The following NRXN1 variants were observed in gnomAD, a reference collection of about 807,000 sequenced individuals.
NRXN1 encodes neurexin-1.
NRXN1 carries 39 observed loss-of-function variants against 150.9 expected under a neutral mutation model. The ratio of observed to expected loss-of-function variants is 0.26; its 90% CI spans 0.20 to 0.34. NRXN1 has a LOEUF of 0.34. Among genes scored for constraint, NRXN1 ranks in the 10% least tolerant of loss-of-function variants. The probability of loss-of-function intolerance (pLI) is 1.00; values close to 1 mark genes in which losing one functional copy is unlikely to be tolerated. For synonymous variants in NRXN1, 924 were observed against 757.0 expected (o/e 1.22, Z -3.62); for missense variants, 1,815 against 1,949.9 (o/e 0.93, Z 1.30).
chr2:50,795,883 C>T (rs1228343255), intron 5 of NRXN1, among the ~76,000 whole-genome samples: 1 of 151,716 alleles, frequency 6.6e-6, no homozygotes, highest in Non-Finnish European at 1.5e-5. Flanking sequence ...GAATGATTGG[C>T]TCACAATCAG....
intron 17 of NRXN1, among the ~76,000 whole-genome samples, chr2:50,255,861 A>G (rs2067650769): frequency 6.6e-6 from 1 of 152,154 alleles, no homozygotes; most frequent in South Asian, 2.1e-4. Context: ...ACTAATTAAA[A>G]TTAATTATTA....
intron 17 of NRXN1, among the ~76,000 whole-genome samples, chr2:50,277,101 A>T (rs561773380): frequency 5.9e-5 from 9 of 152,288 alleles, no homozygotes; most frequent in African/African-American, 2.2e-4. Flanking sequence ...GAATGTTTTT[A>T]AAATATTATA....
chr2:50,419,096 T>C (rs1265032923), intron 17 of NRXN1, among the ~76,000 whole-genome samples: 1 of 152,086 alleles, frequency 6.6e-6, no homozygotes, highest in East Asian at 1.9e-4. Flanking sequence ...ATGAATGAAC[T>C]CAATGACTTC....
At chr2:50,485,837 C>T (rs2090831332) in intron 15 of NRXN1, among the ~76,000 whole-genome samples, 1 of 152,174 alleles carries the variant, frequency 6.6e-6, no homozygotes, top group Non-Finnish European at 1.5e-5. Flanking sequence ...GACCAAGAGT[C>T]CCAACATCAG....
At chr2:50,386,115 T>C (rs2081310371) in intron 17 of NRXN1, among the ~76,000 whole-genome samples, 1 of 152,068 alleles carries the variant, frequency 6.6e-6, no homozygotes, top group East Asian at 1.9e-4. Flanking sequence ...AATCATGCTA[T>C]AGTACTTTGA....
chr2:50,255,413 A>T (rs771114197), intron 17 of NRXN1, among the ~76,000 whole-genome samples: 31 of 152,206 alleles, frequency 2.0e-4, no homozygotes, highest in Non-Finnish European at 4.1e-4. Flanking sequence ...AAGAGCACGG[A>T]TTAAAGTACC....
chr2:50,359,585 C>T (rs2079048911), intron 17 of NRXN1, among the ~76,000 whole-genome samples: 1 of 151,778 alleles, frequency 6.6e-6, no homozygotes, highest in Non-Finnish European at 1.5e-5. Flanking sequence ...ACGAACAAAG[C>T]CTCCAAGATA....
intron 5 of NRXN1, among the ~76,000 whole-genome samples, chr2:50,711,564 G>A (rs1056088950): frequency 3.3e-5 from 5 of 151,890 alleles, no homozygotes; most frequent in Non-Finnish European, 7.4e-5. Context: ...TTGAACTCCT[G>A]ACCTCAGATG....
chr2:50,653,274 T>G (rs1017450375), intron 5 of NRXN1, among the ~76,000 whole-genome samples: 13 of 152,018 alleles, frequency 8.6e-5, no homozygotes, highest in African/African-American at 3.1e-4. Context: ...TTCAGAATGC[T>G]CCACTCTACC....
chr2:49,990,428 T>C (rs563015165), intron 21 of NRXN1, among the ~76,000 whole-genome samples: 1 of 152,248 alleles, frequency 6.6e-6, no homozygotes, highest in South Asian at 2.1e-4. Context: ...CTATATATGA[T>C]AGGAAATCAT....
In NRXN1 at chr2:49,921,076, A is replaced by G. The variant is rs1460445315; in HGVS notation, c.*868T>C. The G allele has an allele frequency of 6.6e-6, 1 of 152,648 alleles. No homozygotes were observed. Among genetic ancestry groups the G allele is most frequent in the East Asian group, 1.9e-4 (1 of 5,196 alleles). The allele number at this position is 152,648 out of a possible 1,614,324, so 9.5% of individuals were successfully genotyped here. A position where few individuals can be genotyped will look rare whatever the true frequency, so the allele number is the denominator to read the frequency against. ...AAACTCCCTATACTTAGCAACACTT[A>G]TAACATTGAATTTACCAAAAATGGC... On this transcript the variant is annotated 3_prime_UTR_variant, in exon 23 of 23. Transcript: ENST00000401669.
intron 15 of NRXN1, among the ~76,000 whole-genome samples, chr2:50,495,559 A>G (rs979439974): frequency 1.3e-5 from 2 of 152,102 alleles, no homozygotes; most frequent in African/African-American, 4.8e-5. Flanking sequence ...GCTCCTATAT[A>G]TCTGGTTCCC....
At chr2:50,925,867 A>G (rs964279612) in intron 3 of NRXN1, 71 bp downstream of exon 3, 2 of 1,182,274 alleles carry the variant, frequency 1.7e-6, no homozygotes, top group African/African-American at 3.1e-5. Context: ...TCTAACTTCA[A>G]GATGTACCCT....
intron 17 of NRXN1, among the ~76,000 whole-genome samples, chr2:50,322,047 A>C (rs2076077463): frequency 6.6e-6 from 1 of 151,934 alleles, no homozygotes; most frequent in East Asian, 1.9e-4. Context: ...AAAAAAAAAA[A>C]AAAAACAGTC....
intron 5 of NRXN1, among the ~76,000 whole-genome samples, chr2:50,682,860 A>T (rs1175552366): frequency 6.6e-6 from 1 of 152,204 alleles, no homozygotes; most frequent in Non-Finnish European, 1.5e-5. Context: ...CAATAGCTGT[A>T]TTAATTATGA....
At chr2:50,616,488 T>C (rs2104182074) in intron 8 of NRXN1, 1 of 152,352 alleles carries the variant, frequency 6.6e-6, no homozygotes, top group Admixed American at 6.5e-5. Flanking sequence ...ATTTCCTTTT[T>C]TTTCTTTAAT....
At chr2:50,933,569 T>A (rs1171711839) in intron 2 of NRXN1, among the ~76,000 whole-genome samples, 1 of 152,112 alleles carries the variant, frequency 6.6e-6, no homozygotes, top group African/African-American at 2.4e-5. Flanking sequence ...GTACAACCAA[T>A]TCTATACTTT....
chr2:50,478,110 T>C (rs1306444190), intron 15 of NRXN1, among the ~76,000 whole-genome samples: 2 of 152,148 alleles, frequency 1.3e-5, no homozygotes, highest in Non-Finnish European at 2.9e-5. Flanking sequence ...CTAGATACAC[T>C]GAGAGAGCTT....
chr2:50,929,039 T>C (rs1271925877), intron 2 of NRXN1, among the ~76,000 whole-genome samples: 1 of 152,076 alleles, frequency 6.6e-6, no homozygotes, highest in Non-Finnish European at 1.5e-5. Context: ...GGCACCAGAA[T>C]ATCAATCATG....
Sources: allele counts gnomAD v4.1 joint callset (sites outside exome capture counted in the v4.1 genomes callset), GRCh38; gene constraint gnomAD v4.1.1; transcripts MANE v1.5; gene names NCBI Gene and HGNC (gene_info 2026-07-23, HGNC 2026-07-21).